Variants in LCLAT1 observed in about 807,000 individuals in gnomAD.
LCLAT1 encodes lysocardiolipin acyltransferase 1, also known as 1-AGP acyltransferase 8.
A neutral mutation model predicts 30.7 loss-of-function variants in LCLAT1; 11 were observed. That is an observed-to-expected ratio of 0.36 (90% CI 0.23 to 0.59). The LOEUF is 0.59. LCLAT1 is among the 20% of genes least tolerant of loss of function. The pLI, the probability that LCLAT1 is intolerant of heterozygous loss-of-function variation, is 0.77. For synonymous variants in LCLAT1, 155 were observed against 151.3 expected, an observed-to-expected ratio of 1.02 and a Z score of -0.18; for missense variants, 402 against 458.6, an observed-to-expected ratio of 0.88 and a Z score of 1.13.
intron 5 of LCLAT1, among the ~76,000 whole-genome samples, chr2:30,578,327 A>G (rs1666076727): frequency 6.6e-6 from 1 of 152,060 alleles, no homozygotes; most frequent in East Asian, 1.9e-4. Flanking sequence ...GGCCTTTAGG[A>G]GAAGATAATA....
chr2:30,489,873 G>A (rs867461192), intron 1 of LCLAT1, among the ~76,000 whole-genome samples: 1 of 152,338 alleles, frequency 6.6e-6, no homozygotes, highest in South Asian at 2.1e-4. Context: ...AACTGGTTAC[G>A]CTCTTAAACT....
In LCLAT1 at chr2:30,590,956, T is replaced by C. The variant is rs150505157; in HGVS notation, c.628+22780T>C. ...CTGTTCTGATGTCCTAAATGTTCCC[T>C]CTTCAGTCCTTCAACTTCGAGGTAA... On this transcript the variant is annotated intron_variant, in intron 5 of 5. Transcript: ENST00000379509. Among the ~76,000 whole-genome samples, 5 of 152,298 alleles carry C rather than the reference T, an allele frequency of 3.3e-5. No homozygotes were observed. The East Asian group carries it at 9.6e-4, about 29-fold the overall frequency.
intron 1 of LCLAT1, among the ~76,000 whole-genome samples, chr2:30,516,697 C>T (rs1252642): frequency 0.096 from 14,633 of 152,138 alleles, 751 homozygotes; most frequent in East Asian, 0.14. Context: ...GAACAAAGAC[C>T]CACCAGTAAC....
chr2:30,525,512 G>A lies in LCLAT1; in HGVS notation c.-4-75G>A, dbSNP rs373772108. ...GCCCTAAAATTAGTGATCATTCTAT[G>A]CTCCATCATCCTGAAATTGAATTCG... On this transcript the variant is annotated intron_variant, in intron 1 of 5. Coordinates refer to ENST00000379509, the MANE Select transcript of LCLAT1 (RefSeq NM_001002257.3). 14 of 1,130,106 alleles carry A rather than the reference G, an allele frequency of 1.2e-5. 1 individual carries two copies. The highest frequency in any genetic ancestry group is 6.8e-5 in the South Asian group (5 of 73,876). 70.0% of individuals were successfully genotyped at this position (1,130,106 alleles called of 1,614,324 possible).
At chr2:30,466,632 C>G (rs996733984) in intron 1 of LCLAT1, among the ~76,000 whole-genome samples, 1 of 152,042 alleles carries the variant, frequency 6.6e-6, no homozygotes, top group Non-Finnish European at 1.5e-5. Flanking sequence ...TTCTGTTGCA[C>G]TGGTTCTAAA....
Position 30,599,180 on chromosome 2 carries a change from C to G in LCLAT1, c.628+31004C>G, listed in dbSNP as rs1327829160. Among the ~76,000 whole-genome samples, 20 of 152,164 alleles carry G rather than the reference C, an allele frequency of 1.3e-4. No individual in the cohort carries two copies. In the East Asian group the frequency reaches 3.9e-3, roughly 29 times the overall value. ...TATTTTTAGTAGAGATGGGGTTTCACCATGTTCGCCAGGCTGGTCTCAAAC... is the reference window on the plus strand; with the variant it reads ...TATTTTTAGTAGAGATGGGGTTTCAGCATGTTCGCCAGGCTGGTCTCAAAC... On this transcript the variant is annotated intron_variant, in intron 5 of 5. Coordinates refer to ENST00000379509, the MANE Select transcript of LCLAT1 (RefSeq NM_001002257.3).
At chr2:30,543,442 A>G (rs898931371) in intron 3 of LCLAT1, among the ~76,000 whole-genome samples, 3 of 152,254 alleles carry the variant, frequency 2.0e-5, no homozygotes, top group Non-Finnish European at 4.4e-5. Flanking sequence ...TGACCTCATA[A>G]AATGAGATGG....
At position 30,569,519 on chromosome 2, in the gene LCLAT1, A is replaced by T. The variant is rs117553267; in HGVS notation, c.628+1343A>T. 1.3e-3 allele frequency among the ~76,000 whole-genome samples: 205 copies of T among 152,308 alleles called. 3 individuals are homozygous for T. The East Asian group carries it at 0.036, about 27-fold the overall frequency. ...TTGTGTAATGGTGATCTCTGTGACA[A>T]ATGTCACCTTCATCTGGTAACTGAT... On this transcript the variant is annotated intron_variant, in intron 5 of 5. Transcript: ENST00000379509.
intron 1 of LCLAT1, among the ~76,000 whole-genome samples, chr2:30,466,844 A>G (rs13430515): frequency 0.13 from 19,265 of 152,232 alleles, 1,354 homozygotes; most frequent in South Asian, 0.23. Flanking sequence ...TTATTTAGGA[A>G]GGCTTAAGAA....
intron 1 of LCLAT1, among the ~76,000 whole-genome samples, chr2:30,497,082 G>A (rs114948280): frequency 0.014 from 2,158 of 152,282 alleles, 29 homozygotes; most frequent in Non-Finnish European, 0.021. Context: ...GAAGGTAAAA[G>A]TATTCTTTGC....
intron 1 of LCLAT1, among the ~76,000 whole-genome samples, chr2:30,473,493 C>T (rs1682897509): frequency 6.6e-6 from 1 of 152,144 alleles, no homozygotes; most frequent in South Asian, 2.1e-4. Flanking sequence ...CATGTTTTTT[C>T]ATCCCTTTAT....
intron 1 of LCLAT1, among the ~76,000 whole-genome samples, chr2:30,485,637 G>A (rs1388347919): frequency 2.6e-5 from 4 of 151,918 alleles, no homozygotes; most frequent in Admixed American, 6.6e-5. Context: ...GATGACATTT[G>A]AATTTCTCTA....
chr2:30,493,072 CA>C (rs1683912466), intron 1 of LCLAT1, among the ~76,000 whole-genome samples: 2 of 152,112 alleles, frequency 1.3e-5, no homozygotes, highest in Admixed American at 1.3e-4. Flanking sequence ...ACCTCCCTCC[CA>C]GGGGTGGTGA....
chr2:30,588,483 A>C (rs1232195864), intron 5 of LCLAT1, among the ~76,000 whole-genome samples: 1 of 152,224 alleles, frequency 6.6e-6, no homozygotes, highest in Non-Finnish European at 1.5e-5. Flanking sequence ...AGATATTGTT[A>C]GAGCAGTTAG....
chr2:30,521,459 G>A (rs1572564572), intron 1 of LCLAT1, among the ~76,000 whole-genome samples: 1 of 137,054 alleles, frequency 7.3e-6, no homozygotes, highest in Admixed American at 7.4e-5. Flanking sequence ...CTAGGAAATA[G>A]AACAGTTTCC....
At chr2:30,560,718 G>T (rs1665175597) in intron 3 of LCLAT1, among the ~76,000 whole-genome samples, 1 of 152,174 alleles carries the variant, frequency 6.6e-6, no homozygotes, top group Admixed American at 6.5e-5. Context: ...ATCAAATGAT[G>T]ATAGCTGTTG....
intron 1 of LCLAT1, among the ~76,000 whole-genome samples, chr2:30,485,654 A>G (rs888813821): frequency 9.8e-5 from 15 of 152,298 alleles, no homozygotes; most frequent in Non-Finnish European, 1.8e-4. Flanking sequence ...TCTAGCAAAA[A>G]GAGCACTTTA....
At chr2:30,544,309 G>A (rs1003891395) in intron 3 of LCLAT1, among the ~76,000 whole-genome samples, 3 of 152,166 alleles carry the variant, frequency 2.0e-5, no homozygotes, top group African/African-American at 7.2e-5. Flanking sequence ...ACTCCATCAT[G>A]CTAGAAAATG....
chr2:30,622,381 C>T (rs983497365), intron 5 of LCLAT1, among the ~76,000 whole-genome samples: 25 of 152,172 alleles, frequency 1.6e-4, no homozygotes, highest in African/African-American at 6.0e-4. Flanking sequence ...GTCCCTCCTA[C>T]CACCTGAGAA....
Sources: allele counts gnomAD v4.1 joint callset (sites outside exome capture counted in the v4.1 genomes callset), GRCh38; gene constraint gnomAD v4.1.1; transcripts MANE v1.5; gene names NCBI Gene and HGNC (gene_info 2026-07-23, HGNC 2026-07-21).